CYP2U1: variants seen among roughly 807,000 people sequenced by gnomAD.
CYP2U1 encodes the protein cytochrome P450 family 2 subfamily U member 1, also known as cytochrome P450 2U1.
A neutral mutation model predicts 42.8 loss-of-function variants in CYP2U1; 28 were observed. The observed-to-expected ratio is 0.65, with a 90% confidence interval of 0.48 to 0.90. The LOEUF is 0.90. CYP2U1 is among the 40% of genes least tolerant of loss of function. The pLI is 0.00. For missense variants in CYP2U1, 642 were observed against 693.8 expected (o/e 0.93, Z 0.84); for synonymous variants, 296 against 278.9 (o/e 1.06, Z -0.61).
chr4:107,942,360 AAAAT>A (rs988979928), intron 1 of CYP2U1, among the ~76,000 whole-genome samples: 7 of 152,188 alleles, frequency 4.6e-5, no homozygotes, highest in Non-Finnish European at 7.4e-5. Context: ...TAAAAAAAAT[AAAAT>A]AAAGGAAAAA....
In CYP2U1 at chr4:107,945,085, G is replaced by A; in HGVS notation, c.606G>A (p.Glu202=). 1 of 1,613,738 alleles carries A rather than the reference G, an allele frequency of 6.2e-7. No individual in the cohort carries two copies. The highest frequency in any genetic ancestry group is 8.5e-7 in the Non-Finnish European group (1 of 1,179,966). Residue 202 remains glutamate (E), a synonymous_variant, in exon 2 of 5, where the codon GAG becomes GAA. Coordinates refer to ENST00000332884, the MANE Select transcript of CYP2U1 (RefSeq NM_183075.3). Reference sequence around the variant, plus strand: ...GCTTGGAGCCCAAGATTATTGAGGAGTTCAAATATGTGAAAGCAGAAATGC... The same window carrying A: ...GCTTGGAGCCCAAGATTATTGAGGAATTCAAATATGTGAAAGCAGAAATGC... ...KLSLEPKIIE[E]FKYVKAEMQK...
At chr4:107,942,913 C>G (rs1578724855) in intron 1 of CYP2U1, among the ~76,000 whole-genome samples, 1 of 152,046 alleles carries the variant, frequency 6.6e-6, no homozygotes, top group Admixed American at 6.6e-5. Context: ...CAGCACAAAT[C>G]AAAGGATTGA....
rs6856745 is a variant in CYP2U1 at position 107,947,359 on chromosome 4, T to C, written c.1127-17T>C. ...TCCCATGCTTATCTTCTGGTTTATT[T>C]TTCCCTTTTTACATAGAAAAGGTTC... is the stretch of plus-strand genomic sequence containing the variant. On this transcript the variant is annotated splice_polypyrimidine_tract_variant and intron_variant, in intron 2 of 4. Transcript: ENST00000332884. The C allele has an allele frequency of 0.58, 936,510 of 1,611,890 alleles. 274,697 individuals carry two copies. Among genetic ancestry groups the C allele is most frequent in the African/African-American group, 0.75 (56,080 of 74,964 alleles).
chr4:107,950,146 A>G, intron 4 of CYP2U1, 99 bp from the exon 5 acceptor site: 8 of 1,234,204 alleles, frequency 6.5e-6, no homozygotes, highest in Non-Finnish European at 7.9e-6. Flanking sequence ...ATCTGCATTT[A>G]GAATACTCAA....
chr4:107,949,206 C>G (rs1733821579), intron 3 of CYP2U1, 144 bp from the exon 4 acceptor site: 2 of 707,686 alleles, frequency 2.8e-6, no homozygotes, highest in Non-Finnish European at 4.1e-6. Flanking sequence ...GATCTTATCC[C>G]TGCCCTCAAG....
Position 107,952,497 on chromosome 4 carries a change from A to G in CYP2U1, c.*2074A>G, listed in dbSNP as rs1180872772. On this transcript the variant is annotated 3_prime_UTR_variant, in exon 5 of 5. Coordinates refer to ENST00000332884, the MANE Select transcript of CYP2U1 (RefSeq NM_183075.3). ...ATCCAGAGTGGCTGTTACTTTGAAA[A>G]TTAAACGAAAGATGAAATTCTGAAC... 1 of 152,280 alleles carries G rather than the reference A, an allele frequency of 6.6e-6. No individual in the cohort carries two copies. The highest frequency in any genetic ancestry group is 2.4e-5 in the African/African-American group (1 of 41,474). The allele number at this position is 152,280 out of a possible 1,614,324, so 9.4% of individuals were successfully genotyped here. A position where few individuals can be genotyped will look rare whatever the true frequency, so the allele number is the denominator to read the frequency against.
intron 1 of CYP2U1, among the ~76,000 whole-genome samples, chr4:107,933,954 A>G (rs1733152725): frequency 6.6e-6 from 1 of 152,190 alleles, no homozygotes; most frequent in South Asian, 2.1e-4. Flanking sequence ...TTGTTTACCC[A>G]TTCATCCATT....
At chr4:107,946,612 C>T (rs780875348) in intron 2 of CYP2U1, among the ~76,000 whole-genome samples, 7 of 151,972 alleles carry the variant, frequency 4.6e-5, no homozygotes, top group Non-Finnish European at 8.8e-5. Context: ...AAACTACCCC[C>T]AAATTTGCTA....
In CYP2U1 at chr4:107,945,023, C is replaced by T; in HGVS notation, c.544C>T (p.His182Tyr). Residue 182 changes from histidine (H) to tyrosine (Y), a missense_variant, in exon 2 of 5, where the codon CAT becomes TAT. His to Tyr is a moderately conservative substitution (Grantham distance 83). Transcript: ENST00000332884. The part of the protein sequence containing the change: ...PVWRQQRKFS[H>Y]STLRHFGLGK... ...CTGGAGACAACAAAGGAAGTTCTCT[C>T]ATTCAACTCTTCGTCATTTTGGGTT... The T allele has an allele frequency of 6.2e-7, 1 of 1,613,432 alleles. No individual in the cohort carries two copies. Among genetic ancestry groups the T allele is most frequent in the South Asian group, 1.1e-5 (1 of 91,020 alleles).
chr4:107,949,544 A>T, intron 4 of CYP2U1, 27 bp downstream of exon 4: 1 of 1,473,756 alleles, frequency 6.8e-7, no homozygotes, highest in East Asian at 2.4e-5. Flanking sequence ...TAAACTGCAT[A>T]ATTTTTAAAA....
intron 4 of CYP2U1, 62 bp from the exon 5 acceptor site, chr4:107,950,175 ATTTGTACT>A: frequency 7.0e-7 from 1 of 1,423,584 alleles, no homozygotes; most frequent in East Asian, 2.3e-5. Flanking sequence ...TTTCATATAA[ATTTGTACT>A]TTTTGAAATA....
intron 1 of CYP2U1, chr4:107,938,701 C>G (rs974667372): frequency 6.6e-6 from 1 of 152,114 alleles, no homozygotes; most frequent in African/African-American, 2.4e-5. Flanking sequence ...TATTCTGAAG[C>G]AAAAGAGTCC....
At chr4:107,946,983 G>A (rs1733718894) in intron 2 of CYP2U1, among the ~76,000 whole-genome samples, 1 of 152,200 alleles carries the variant, frequency 6.6e-6, no homozygotes, top group Admixed American at 6.5e-5. Context: ...TACAGAGTAG[G>A]AGGGGACTGC....
chr4:107,932,976 A>G (rs916637200), intron 1 of CYP2U1, among the ~76,000 whole-genome samples: 1 of 152,196 alleles, frequency 6.6e-6, no homozygotes, highest in African/African-American at 2.4e-5. Flanking sequence ...AGTCTTCACC[A>G]CTGTTCTGAC....
chr4:107,932,181 T>A, intron 1 of CYP2U1, 48 bp downstream of exon 1: 1 of 1,556,822 alleles, frequency 6.4e-7, no homozygotes, highest in East Asian at 2.3e-5. Flanking sequence ...CGCGGATGAG[T>A]CTCCAGGTGC....
At chr4:107,947,628 G>C (rs1232740457) in intron 3 of CYP2U1, 91 bp downstream of exon 3, 1 of 1,289,596 alleles carries the variant, frequency 7.8e-7, no homozygotes, top group Non-Finnish European at 1.1e-6. Flanking sequence ...GGTGACTGTT[G>C]TCTAGCTTGA....
chr4:107,947,753 T>C (rs1023809245), intron 3 of CYP2U1, among the ~76,000 whole-genome samples: 9 of 152,196 alleles, frequency 5.9e-5, no homozygotes, highest in African/African-American at 1.9e-4. Flanking sequence ...GTTTTACTAG[T>C]AGTTCTGTAG....
At position 107,947,454 on chromosome 4, in the gene CYP2U1, A is replaced by G. The variant is rs149002033; in HGVS notation, c.1205A>G (p.Tyr402Cys). ...PSLTDKAQMP[Y>C]TEATIMEVQR... ...CTCACAGACAAGGCCCAGATGCCCT[A>G]CACAGAAGCCACCATCATGGAAGTG... The change falls in exon 3 of 5, where the codon TAC (tyrosine) becomes TGC (cysteine). Residue 402 changes from tyrosine to cysteine, a missense_variant. By Grantham distance (194) the Tyr-to-Cys change is radical. Transcript: ENST00000332884. 5.6e-6 allele frequency: 9 copies of G among 1,614,148 alleles called. No individual in the cohort carries two copies. Among genetic ancestry groups the G allele is most frequent in the Admixed American group, 1.7e-5 (1 of 60,018 alleles).
intron 3 of CYP2U1, among the ~76,000 whole-genome samples, chr4:107,947,778 A>G: frequency 6.6e-6 from 1 of 152,226 alleles, no homozygotes. Context: ...CAGAGCATAC[A>G]CAATTATACT....
Sources: gnomAD v4.1 joint callset for allele counts (sites outside exome capture counted in the v4.1 genomes callset) on GRCh38, gnomAD v4.1.1 for gene constraint, MANE v1.5 for transcripts, NCBI Gene and HGNC (gene_info 2026-07-23, HGNC 2026-07-21) for gene names.